Variants in TMEM178A observed in about 807,000 individuals in gnomAD.
TMEM178A encodes the protein transmembrane protein 178A.
Under a neutral mutation model 29.1 loss-of-function variants are expected in TMEM178A, and 12 were observed. The ratio of observed to expected loss-of-function variants is 0.41; its 90% CI spans 0.26 to 0.67. TMEM178A has a LOEUF of 0.67. Ranked by LOEUF, TMEM178A falls within the 30% of genes least tolerant of loss-of-function variation. The pLI is 0.29. For synonymous variants in TMEM178A, 210 were observed against 187.2 expected (o/e 1.12, Z -0.99); for missense variants, 366 against 419.1 (o/e 0.87, Z 1.11).
rs767193933 is a variant in TMEM178A at position 39,665,961 on chromosome 2, C to A, written c.-14C>A. 1.5e-6 allele frequency: 2 copies of A among 1,334,632 alleles called. No homozygotes were observed. The highest frequency in any genetic ancestry group is 1.9e-6 in the Non-Finnish European group (2 of 1,045,638). The allele number at this position is 1,334,632 out of a possible 1,614,324, so 82.7% of individuals were successfully genotyped here. A position where few individuals can be genotyped will look rare whatever the true frequency, so the allele number is the denominator to read the frequency against. ...CGCGCGAGCCCACCGGCGGCTGCGG[C>A]GGGGCGGGAAGCCATGGAGCCGCGG... On this transcript the variant is annotated 5_prime_UTR_variant, in exon 1 of 4. Transcript: ENST00000281961.
chr2:39,709,091 A>T (rs193121118), intron 3 of TMEM178A, among the ~76,000 whole-genome samples: 67 of 152,346 alleles, frequency 4.4e-4, no homozygotes, highest in Admixed American at 1.8e-3. Flanking sequence ...GGGTCACTTA[A>T]TTAAGCCTGC....
chr2:39,689,680 A>T (rs951830784), intron 1 of TMEM178A, among the ~76,000 whole-genome samples: 2 of 152,218 alleles, frequency 1.3e-5, no homozygotes, highest in Non-Finnish European at 2.9e-5. Context: ...AATGTATTTA[A>T]TCCACAGAAC....
chr2:39,721,641 T>C (rs1558470463), downstream of TMEM178A, among the ~76,000 whole-genome samples: 1 of 152,116 alleles, frequency 6.6e-6, no homozygotes, highest in Non-Finnish European at 1.5e-5. Flanking sequence ...GGTTTTACTC[T>C]GGTAATTGAA....
At chr2:39,699,236 A>T (rs191824228) in intron 1 of TMEM178A, among the ~76,000 whole-genome samples, 1 of 151,818 alleles carries the variant, frequency 6.6e-6, no homozygotes, top group African/African-American at 2.4e-5. Context: ...TCTGTTGGCC[A>T]GGCTGGTCTT....
At chr2:39,671,872 C>G (rs1347719387) in intron 1 of TMEM178A, among the ~76,000 whole-genome samples, 1 of 152,190 alleles carries the variant, frequency 6.6e-6, no homozygotes, top group Non-Finnish European at 1.5e-5. Context: ...CCTATCACAG[C>G]TGAAATTCAT....
intron 1 of TMEM178A, among the ~76,000 whole-genome samples, chr2:39,670,863 T>TA: frequency 6.6e-6 from 1 of 152,348 alleles, no homozygotes; most frequent in African/African-American, 2.4e-5. Context: ...ACATTTTCAT[T>TA]AAAAACAATT....
At chr2:39,682,968 A>G (rs759777343) in intron 1 of TMEM178A, among the ~76,000 whole-genome samples, 3 of 152,104 alleles carry the variant, frequency 2.0e-5, no homozygotes, top group Non-Finnish European at 4.4e-5. Context: ...GCCCATTACC[A>G]CCTCCTCAAG....
At chr2:39,667,324 C>A (rs1242680018) in intron 1 of TMEM178A, among the ~76,000 whole-genome samples, 1 of 136,510 alleles carries the variant, frequency 7.3e-6, no homozygotes, top group Non-Finnish European at 1.5e-5. Flanking sequence ...TGAATGCTAT[C>A]AGATAGTTTG....
downstream of TMEM178A, among the ~76,000 whole-genome samples, chr2:39,722,030 T>A (rs1672717012): frequency 7.2e-6 from 1 of 139,066 alleles, no homozygotes; most frequent in Non-Finnish European, 1.5e-5. Flanking sequence ...GTGTTGCCAC[T>A]GCTGCTGGAT....
downstream of TMEM178A, among the ~76,000 whole-genome samples, chr2:39,719,435 G>C (rs569311756): frequency 7.2e-5 from 11 of 152,284 alleles, no homozygotes; most frequent in East Asian, 1.2e-3. Flanking sequence ...AGTTCACTTA[G>C]GATTCAAACG....
upstream of TMEM178A, chr2:39,665,897 G>C (rs1301813062): frequency 1.6e-6 from 2 of 1,244,594 alleles, no homozygotes; most frequent in Middle Eastern, 3.0e-4. Flanking sequence ...GAGGGAGCGG[G>C]CGGAGAGCTG....
intron 3 of TMEM178A, among the ~76,000 whole-genome samples, chr2:39,713,477 A>C (rs1411795031): frequency 6.6e-6 from 1 of 152,150 alleles, no homozygotes; most frequent in African/African-American, 2.4e-5. Flanking sequence ...AGGGTCTTTA[A>C]GTTAAAATGA....
At chr2:39,712,041 T>TTTTGTGTGTGTGTGTG (rs1553350720) in intron 3 of TMEM178A, among the ~76,000 whole-genome samples, 1 of 139,252 alleles carries the variant, frequency 7.2e-6, no homozygotes, top group Admixed American at 7.3e-5. Flanking sequence ...GAATTGCATT[T>TTTTGTGTGTGTGTGTG]TGTGTGTGTG....
chr2:39,693,627 A>C (rs1291601755), intron 1 of TMEM178A, among the ~76,000 whole-genome samples: 1 of 152,158 alleles, frequency 6.6e-6, no homozygotes, highest in Non-Finnish European at 1.5e-5. Flanking sequence ...GAGAGGGAAG[A>C]AAAAGGAAAG....
intron 1 of TMEM178A, among the ~76,000 whole-genome samples, chr2:39,685,125 T>C (rs1468354803): frequency 4.6e-5 from 7 of 152,352 alleles, no homozygotes; most frequent in South Asian, 2.1e-4. Context: ...GTGACTTCCA[T>C]TGGGGTTCCC....
At chr2:39,715,643 A>G (rs976426304) in intron 3 of TMEM178A, among the ~76,000 whole-genome samples, 13 of 152,342 alleles carry the variant, frequency 8.5e-5, no homozygotes, top group African/African-American at 3.1e-4. Context: ...AGAATTAAGC[A>G]AAGAGTAGGA....
intron 1 of TMEM178A, among the ~76,000 whole-genome samples, chr2:39,702,257 CT>C (rs1333012217): frequency 1.3e-5 from 2 of 152,078 alleles, no homozygotes; most frequent in African/African-American, 4.8e-5. Context: ...AGTCTATATT[CT>C]TTGTCATAGG....
chr2:39,698,707 T>TG (rs1265695225), intron 1 of TMEM178A, among the ~76,000 whole-genome samples: 5 of 152,136 alleles, frequency 3.3e-5, no homozygotes, highest in Non-Finnish European at 2.9e-5. Flanking sequence ...TATTTTTTTT[T>TG]TTTGTTTTGA....
the TMEM178A span, among the ~76,000 whole-genome samples, chr2:39,727,306 A>G: frequency 9.3e-4 from 142 of 152,344 alleles, no homozygotes; most frequent in Admixed American, 1.8e-3. Context: ...CCTGGTAGCT[A>G]AGTAAATAAA....
Sources: gnomAD v4.1 joint callset for allele counts (sites outside exome capture counted in the v4.1 genomes callset) on GRCh38, gnomAD v4.1.1 for gene constraint, MANE v1.5 for transcripts, NCBI Gene and HGNC (gene_info 2026-07-23, HGNC 2026-07-21) for gene names.